The following DCC variants were observed in gnomAD, a reference collection of about 807,000 sequenced individuals.
DCC encodes DCC netrin 1 receptor.
Under a neutral mutation model 172.5 loss-of-function variants are expected in DCC, and 58 were observed. That is an observed-to-expected ratio of 0.34 (90% CI 0.27 to 0.42). DCC has a LOEUF of 0.42. Ranked by LOEUF, DCC falls within the 10% of genes least tolerant of loss-of-function variation. DCC has a pLI of 1.00. For synonymous variants in DCC, 709 were observed against 644.5 expected (o/e 1.10, Z -1.52); for missense variants, 1,740 against 1,791.0 (o/e 0.97, Z 0.51).
intron 1 of DCC, among the ~76,000 whole-genome samples, chr18:52,364,011 C>T (rs1182669841): frequency 1.3e-5 from 2 of 152,182 alleles, no homozygotes; most frequent in South Asian, 2.1e-4. Context: ...CTTCTCTGGC[C>T]CCCTGAGACT....
At chr18:53,515,327 C>T (rs913992722) in intron 27 of DCC, among the ~76,000 whole-genome samples, 10 of 149,844 alleles carry the variant, frequency 6.7e-5, no homozygotes, top group African/African-American at 2.4e-4. Flanking sequence ...CTATGAGAAA[C>T]CCACAGCCAA....
chr18:52,757,676 A>G (rs573550360), intron 2 of DCC, among the ~76,000 whole-genome samples: 1 of 152,136 alleles, frequency 6.6e-6, no homozygotes, highest in East Asian at 1.9e-4. Flanking sequence ...GTCCAGGTAG[A>G]TTTGTCTTTG....
intron 2 of DCC, among the ~76,000 whole-genome samples, chr18:52,829,463 C>A (rs2038571939): frequency 6.6e-6 from 1 of 152,182 alleles, no homozygotes; most frequent in African/African-American, 2.4e-5. Flanking sequence ...TTGTACACAT[C>A]TGTAAATTTG....
At position 53,322,026 on chromosome 18, in the gene DCC, C is replaced by T. The variant is rs368983021; in HGVS notation, c.2054-21C>T. ...TGGTGCATAGTAACTTTCTTCCCCC[C>T]TGTGGAAAATTCTTTCATAGGACTG... On this transcript the variant is annotated intron_variant, in intron 13 of 28. Transcript: ENST00000442544. 3 of 1,372,322 alleles carry T rather than the reference C, an allele frequency of 2.2e-6. No individual in the cohort carries two copies. In the African/African-American group the frequency reaches 4.3e-5, roughly 19 times the overall value. 85.0% of individuals were successfully genotyped at this position (1,372,322 alleles called of 1,614,324 possible).
intron 5 of DCC, among the ~76,000 whole-genome samples, chr18:53,040,296 G>C (rs1010460134): frequency 1.3e-5 from 2 of 151,884 alleles, no homozygotes; most frequent in Non-Finnish European, 2.9e-5. Flanking sequence ...TTACTAATGA[G>C]AGACTAATCA....
chr18:53,374,745 T>C (rs1356555520), intron 15 of DCC, among the ~76,000 whole-genome samples: 1 of 152,062 alleles, frequency 6.6e-6, no homozygotes, highest in Non-Finnish European at 1.5e-5. Flanking sequence ...TTGAGTGAAA[T>C]GGCAAAATAA....
In DCC at chr18:52,925,306, G is replaced by GTA; in HGVS notation, c.924_925dup (p.Thr309IlefsTer27). On this transcript the variant is annotated frameshift_variant, in exon 5 of 29. Transcript: ENST00000442544. LOFTEE classifies it high-confidence loss of function. ...ATGTGACAGATGATGACAGTGGAAT[G>GTA]TATACCTGTGTTGTCACATATAAAA... 6.2e-7 allele frequency: 1 copy of GTA among 1,612,320 alleles called. No homozygotes were observed. Among genetic ancestry groups the GTA allele is most frequent in the Non-Finnish European group, 8.5e-7 (1 of 1,178,590 alleles).
chr18:52,893,904 A>AT (rs978651725), intron 2 of DCC, among the ~76,000 whole-genome samples: 6 of 123,370 alleles, frequency 4.9e-5, no homozygotes, highest in Non-Finnish European at 9.6e-5. Flanking sequence ...TTATAATACA[A>AT]TTTAAAAAAA....
chr18:52,839,457 C>T (rs537613147), intron 2 of DCC, among the ~76,000 whole-genome samples: 332 of 152,212 alleles, frequency 2.2e-3, no homozygotes, highest in African/African-American at 7.8e-3. Context: ...GTCAAGTCAT[C>T]GTGAGTGACA....
intron 7 of DCC, among the ~76,000 whole-genome samples, chr18:53,135,223 A>G (rs1201036278): frequency 6.6e-6 from 1 of 152,112 alleles, no homozygotes; most frequent in Non-Finnish European, 1.5e-5. Context: ...TCAGGGGAGA[A>G]TGATGGGAGA....
At chr18:53,066,928 G>A (rs2042579356) in intron 7 of DCC, among the ~76,000 whole-genome samples, 1 of 152,002 alleles carries the variant, frequency 6.6e-6, no homozygotes, top group Non-Finnish European at 1.5e-5. Context: ...GCTGGTGCAG[G>A]AGAAACAGAG....
chr18:53,431,691 C>T (rs560438753), intron 21 of DCC, among the ~76,000 whole-genome samples: 7 of 152,174 alleles, frequency 4.6e-5, no homozygotes, highest in Non-Finnish European at 7.4e-5. Flanking sequence ...TGCCATGTTG[C>T]CCAGGCTGTC....
chr18:52,997,953 AC>A (rs2041508677), intron 5 of DCC, among the ~76,000 whole-genome samples: 1 of 151,930 alleles, frequency 6.6e-6, no homozygotes, highest in East Asian at 1.9e-4. Context: ...CTCAGCCATA[AC>A]CTCATCTCTC....
At chr18:53,430,280 A>T (rs946342562) in intron 21 of DCC, among the ~76,000 whole-genome samples, 5 of 152,112 alleles carry the variant, frequency 3.3e-5, no homozygotes, top group Admixed American at 3.3e-4. Context: ...TTTGATTTAG[A>T]TTATGGACAA....
chr18:53,397,121 A>G (rs575822950), intron 17 of DCC, among the ~76,000 whole-genome samples, 187 bp from the exon 18 acceptor site: 157 of 151,764 alleles, frequency 1.0e-3, no homozygotes, highest in African/African-American at 3.6e-3. Flanking sequence ...TTATATTGTA[A>G]ATGTATAATC....
chr18:52,413,169 A>G (rs756984692), intron 1 of DCC, among the ~76,000 whole-genome samples: 2 of 151,618 alleles, frequency 1.3e-5, no homozygotes, highest in Non-Finnish European at 2.9e-5. Flanking sequence ...ATATATCCAC[A>G]TTACCCAGAT....
At chr18:53,413,946 A>C (rs549679831) in intron 20 of DCC, among the ~76,000 whole-genome samples, 12 of 152,294 alleles carry the variant, frequency 7.9e-5, no homozygotes, top group African/African-American at 2.9e-4. Flanking sequence ...TTAGGATCTC[A>C]GTTCAAAATC....
At chr18:52,574,422 C>T (rs1209177495) in intron 1 of DCC, among the ~76,000 whole-genome samples, 1 of 152,174 alleles carries the variant, frequency 6.6e-6, no homozygotes, top group African/African-American at 2.4e-5. Context: ...ATAGCAATAT[C>T]TCTTTCCAGC....
At chr18:53,299,342 A>G (rs1341117947) in intron 12 of DCC, among the ~76,000 whole-genome samples, 1 of 152,126 alleles carries the variant, frequency 6.6e-6, no homozygotes, top group East Asian at 1.9e-4. Flanking sequence ...GTTTTTCCCA[A>G]TCTACCTTTC....
Sources: allele counts gnomAD v4.1 joint callset (sites outside exome capture counted in the v4.1 genomes callset), GRCh38; gene constraint gnomAD v4.1.1; transcripts MANE v1.5; gene names NCBI Gene and HGNC (gene_info 2026-07-23, HGNC 2026-07-21).